Variants in RABGAP1 observed in about 807,000 individuals in gnomAD.
RABGAP1 encodes RAB GTPase activating protein 1, also known as rab GTPase-activating protein 1.
RABGAP1 carries 23 observed loss-of-function variants against 137.6 expected under a neutral mutation model. The ratio of observed to expected loss-of-function variants is 0.17; its 90% CI spans 0.12 to 0.24. The LOEUF is 0.24. Among genes scored for constraint, RABGAP1 ranks in the 10% least tolerant of loss-of-function variants. The probability of loss-of-function intolerance (pLI) is 1.00; values close to 1 mark genes in which losing one functional copy is unlikely to be tolerated. For missense variants in RABGAP1, 906 were observed against 1,275.8 expected (o/e 0.71, Z 4.42); for synonymous variants, 451 against 450.7 (o/e 1.00, Z -0.01).
At chr9:123,060,746 A>G (rs1029118435) in intron 13 of RABGAP1, among the ~76,000 whole-genome samples, 3 of 152,212 alleles carry the variant, frequency 2.0e-5, no homozygotes, top group South Asian at 2.1e-4. Context: ...TTGAAATGTC[A>G]GGGACTATAT....
At chr9:123,022,657 G>A (rs1463646888) in intron 13 of RABGAP1, among the ~76,000 whole-genome samples, 1 of 151,852 alleles carries the variant, frequency 6.6e-6, no homozygotes, top group African/African-American at 2.4e-5. Flanking sequence ...CGCCCGCCTC[G>A]ACCTCCCAAA....
In RABGAP1 at chr9:123,010,161, G is replaced by GC. The variant is rs755513680; in HGVS notation, c.1375-192dup. Among the ~76,000 whole-genome samples, 5 of 152,066 alleles carry GC rather than the reference G, an allele frequency of 3.3e-5. No homozygotes were observed. The Middle Eastern group carries it at 0.014, about 417-fold the overall frequency. ...TAAGAATTTTAAGATCTAAACATAT[G>GC]CTTTTCTGTTTTAAAAAGTTACTTC... is the stretch of plus-strand genomic sequence containing the variant. On this transcript the variant is annotated intron_variant, in intron 10 of 25. Transcript: ENST00000373647.
intron 19 of RABGAP1, among the ~76,000 whole-genome samples, chr9:123,077,634 GTATTGT>G (rs2034559226): frequency 7.2e-6 from 1 of 138,454 alleles, no homozygotes; most frequent in Non-Finnish European, 1.5e-5. Flanking sequence ...GTATTGTATT[GTATTGT>G]ATTGTATTGT....
chr9:122,995,945 A>G, intron 6 of RABGAP1, 96 bp from the exon 7 acceptor site: 9 of 1,477,218 alleles, frequency 6.1e-6, no homozygotes, highest in Non-Finnish European at 8.0e-6. Context: ...TAGGCACAGA[A>G]AAGAATCAGA....
chr9:122,999,923 A>G (rs2131829599), intron 10 of RABGAP1, among the ~76,000 whole-genome samples: 1 of 151,690 alleles, frequency 6.6e-6, no homozygotes, highest in East Asian at 1.9e-4. Context: ...AAGTTCACTG[A>G]TTTTTATCAA....
chr9:122,965,663 C>A (rs1386542732), intron 2 of RABGAP1, among the ~76,000 whole-genome samples: 1 of 152,174 alleles, frequency 6.6e-6, no homozygotes, highest in African/African-American at 2.4e-5. Flanking sequence ...GGATTACAGG[C>A]GTGAGCCACC....
At chr9:122,968,004 AG>A (rs1835261181) in intron 2 of RABGAP1, among the ~76,000 whole-genome samples, 1 of 152,152 alleles carries the variant, frequency 6.6e-6, no homozygotes, top group African/African-American at 2.4e-5. Context: ...CTGGCATTAC[AG>A]GTGTGAGCCA....
chr9:123,069,401 C>G (rs1450198947), intron 14 of RABGAP1, among the ~76,000 whole-genome samples: 1 of 152,130 alleles, frequency 6.6e-6, no homozygotes, highest in Non-Finnish European at 1.5e-5. Context: ...ATCACCCTGT[C>G]CCTCACAAAG....
intron 13 of RABGAP1, among the ~76,000 whole-genome samples, chr9:123,043,566 T>C (rs2033055233): frequency 6.6e-6 from 1 of 151,926 alleles, no homozygotes; most frequent in Admixed American, 6.5e-5. Flanking sequence ...TGTTGCTGTG[T>C]ATAGTTTGGT....
intron 2 of RABGAP1, among the ~76,000 whole-genome samples, chr9:122,965,081 A>G (rs1367586209): frequency 1.3e-5 from 2 of 152,212 alleles, no homozygotes; most frequent in East Asian, 1.9e-4. Context: ...TAGTAGTTCT[A>G]GGAAGTATAA....
At position 123,035,213 on chromosome 9, in the gene RABGAP1, G is replaced by T. The variant is rs200334416; in HGVS notation, c.1794+14754G>T. Reference sequence around the variant, plus strand: ...TGCTTCACCTATTTCAACATCTTCCGCATCTGCCAACAGCACACAAAGGAT... The same window carrying T: ...TGCTTCACCTATTTCAACATCTTCCTCATCTGCCAACAGCACACAAAGGAT... On this transcript the variant is annotated intron_variant, in intron 13 of 25. Coordinates refer to ENST00000373647, the MANE Select transcript of RABGAP1 (RefSeq NM_012197.4). 1 of 1,614,040 alleles carries T rather than the reference G, an allele frequency of 6.2e-7. No homozygotes were observed. The highest frequency in any genetic ancestry group is 1.1e-5 in the South Asian group (1 of 91,072).
rs998962006 is a variant in RABGAP1 at position 123,068,348 on chromosome 9, C to CAA, written c.1909-1985_1909-1984dup. 9.7e-3 allele frequency among the ~76,000 whole-genome samples: 646 copies of CAA among 66,482 alleles called. 3 individuals carry two copies. The highest frequency in any genetic ancestry group is 0.023 in the African/African-American group (603 of 26,472). The allele number at this position is 66,482 out of a possible 152,430, so 43.6% of individuals were successfully genotyped here. A position where few individuals can be genotyped will look rare whatever the true frequency, so the allele number is the denominator to read the frequency against. On this transcript the variant is annotated intron_variant, in intron 14 of 25. Transcript: ENST00000373647. Reference sequence around the variant, plus strand: ...TCGGGTGACACAGGAGACTCCATCTCAAAAAAAAAAAAAAAAAAGAAAAAA... The same window carrying CAA: ...TCGGGTGACACAGGAGACTCCATCTCAAAAAAAAAAAAAAAAAAAAGAAAAAA...
chr9:123,073,456 T>C (rs1243954486), intron 15 of RABGAP1, 96 bp from the exon 16 acceptor site: 1 of 1,461,740 alleles, frequency 6.8e-7, no homozygotes, highest in Admixed American at 2.2e-5. Context: ...AAGGCAATAA[T>C]ATAAAGCTGG....
At chr9:123,029,347 T>G (rs139967015) in intron 13 of RABGAP1, 3 of 815,818 alleles carry the variant, frequency 3.7e-6, no homozygotes, top group East Asian at 4.9e-5. Context: ...AAAGTTTTAT[T>G]TTTCCAAATG....
At chr9:122,945,790 CT>C (rs1251060314) in intron 1 of RABGAP1, among the ~76,000 whole-genome samples, 1 of 152,156 alleles carries the variant, frequency 6.6e-6, no homozygotes, top group Non-Finnish European at 1.5e-5. Flanking sequence ...TCTGTGGTAA[CT>C]TTAACATAAT....
chr9:123,090,218 A>G, intron 20 of RABGAP1, 57 bp from the exon 21 acceptor site: 3 of 1,379,630 alleles, frequency 2.2e-6, no homozygotes, highest in Non-Finnish European at 3.0e-6. Flanking sequence ...GCCCTGAGAA[A>G]TTTTCATTTC....
intron 13 of RABGAP1, among the ~76,000 whole-genome samples, chr9:123,024,800 T>G (rs1278932131): frequency 1.3e-5 from 2 of 152,198 alleles, no homozygotes; most frequent in Non-Finnish European, 2.9e-5. Context: ...GCTCTTCTAT[T>G]TATGTTCTTT....
At chr9:122,971,373 G>A (rs1030418973) in intron 2 of RABGAP1, among the ~76,000 whole-genome samples, 1 of 152,070 alleles carries the variant, frequency 6.6e-6, no homozygotes, top group Non-Finnish European at 1.5e-5. Flanking sequence ...GAACATACTT[G>A]CCACTCAGGC....
chr9:122,985,972 A>G (rs1335380625), intron 3 of RABGAP1, among the ~76,000 whole-genome samples: 1 of 152,180 alleles, frequency 6.6e-6, no homozygotes, highest in African/African-American at 2.4e-5. Flanking sequence ...AATTTGAAGC[A>G]TTTCATGTTT....
Sources: allele counts gnomAD v4.1 joint callset (sites outside exome capture counted in the v4.1 genomes callset), GRCh38; gene constraint gnomAD v4.1.1; transcripts MANE v1.5; gene names NCBI Gene and HGNC (gene_info 2026-07-23, HGNC 2026-07-21).